DPP10: variants seen among roughly 807,000 people sequenced by gnomAD.
DPP10 encodes dipeptidyl peptidase like 10.
DPP10 carries 33 observed loss-of-function variants against 120.9 expected under a neutral mutation model. That is an observed-to-expected ratio of 0.27 (90% CI 0.21 to 0.37). The LOEUF (loss-of-function observed/expected upper bound fraction) is 0.37. Among genes scored for constraint, DPP10 ranks in the 10% least tolerant of loss-of-function variants. The pLI is 1.00. For synonymous variants in DPP10, 337 were observed against 326.1 expected (o/e 1.03, Z -0.36); for missense variants, 816 against 942.8 (o/e 0.87, Z 1.76).
At chr2:115,444,422 A>G (rs777400261) in intron 3 of DPP10, among the ~76,000 whole-genome samples, 12 of 152,216 alleles carry the variant, frequency 7.9e-5, no homozygotes, top group Non-Finnish European at 1.6e-4. Context: ...GCATAATTTT[A>G]ATAGTAAATC....
intron 1 of DPP10, among the ~76,000 whole-genome samples, chr2:114,678,546 T>C (rs1698816730): frequency 6.6e-6 from 1 of 152,092 alleles, no homozygotes. Flanking sequence ...TCCCTCTCTC[T>C]GCCTTTATTT....
At chr2:115,281,906 T>C (rs2060171944) in intron 1 of DPP10, among the ~76,000 whole-genome samples, 1 of 152,134 alleles carries the variant, frequency 6.6e-6, no homozygotes, top group African/African-American at 2.4e-5. Flanking sequence ...TTTAAAATAG[T>C]GACCCAAGAA....
intron 1 of DPP10, among the ~76,000 whole-genome samples, chr2:114,804,644 C>G (rs1181416252): frequency 6.6e-6 from 1 of 152,176 alleles, no homozygotes; most frequent in Admixed American, 6.5e-5. Flanking sequence ...TGCACGGGCC[C>G]TGTAACCCCT....
intron 1 of DPP10, among the ~76,000 whole-genome samples, chr2:115,038,429 C>A (rs1704387644): frequency 6.6e-6 from 1 of 151,900 alleles, no homozygotes. Flanking sequence ...CGCCACCACG[C>A]CCGGCTAATG....
chr2:115,471,310 G>A (rs1440139910), intron 3 of DPP10, among the ~76,000 whole-genome samples: 2 of 152,156 alleles, frequency 1.3e-5, no homozygotes, highest in African/African-American at 2.4e-5. Flanking sequence ...CTTTGTATCA[G>A]TGTTTCAGTA....
At chr2:115,506,212 A>G (rs1338122438) in intron 4 of DPP10, among the ~76,000 whole-genome samples, 2 of 152,202 alleles carry the variant, frequency 1.3e-5, no homozygotes, top group East Asian at 3.9e-4. Context: ...TTCACATTAC[A>G]TAATACAGAT....
chr2:114,869,369 G>C (rs1176166759), intron 1 of DPP10, among the ~76,000 whole-genome samples: 1 of 152,110 alleles, frequency 6.6e-6, no homozygotes, highest in Non-Finnish European at 1.5e-5. Flanking sequence ...TGAGTCTGGT[G>C]AGACAAAACA....
At chr2:114,907,847 T>C (rs1694087699) in intron 1 of DPP10, among the ~76,000 whole-genome samples, 1 of 152,088 alleles carries the variant, frequency 6.6e-6, no homozygotes, top group Non-Finnish European at 1.5e-5. Flanking sequence ...TTTCAAATTC[T>C]TATATTTCCT....
intron 1 of DPP10, among the ~76,000 whole-genome samples, chr2:115,258,462 T>C (rs967849409): frequency 6.7e-6 from 1 of 149,670 alleles, no homozygotes; most frequent in Non-Finnish European, 1.5e-5. Flanking sequence ...GCTTACACAC[T>C]GTAGTATCCA....
chr2:115,310,642 A>T (rs981828090), intron 2 of DPP10, among the ~76,000 whole-genome samples: 2 of 152,170 alleles, frequency 1.3e-5, no homozygotes, highest in Admixed American at 6.5e-5. Flanking sequence ...ACCTTTTCTT[A>T]ACTGCCTCAT....
chr2:114,606,872 G>C (rs1397191295), intron 1 of DPP10, among the ~76,000 whole-genome samples: 1 of 152,166 alleles, frequency 6.6e-6, no homozygotes, highest in African/African-American at 2.4e-5. Context: ...GTGTGGTTAA[G>C]CATATTGTTG....
At chr2:115,423,105 CAT>C (rs1200971861) in intron 3 of DPP10, among the ~76,000 whole-genome samples, 3 of 151,704 alleles carry the variant, frequency 2.0e-5, no homozygotes, top group South Asian at 2.1e-4. Flanking sequence ...TTTAATATAA[CAT>C]ATTTAATATA....
chr2:115,039,375 T>C (rs1438391134), intron 1 of DPP10, among the ~76,000 whole-genome samples: 6 of 152,216 alleles, frequency 3.9e-5, no homozygotes, highest in Admixed American at 6.5e-5. Context: ...AGTGAAATCT[T>C]TTAAATAACA....
chr2:114,698,918 G>C (rs1298031121), intron 1 of DPP10, among the ~76,000 whole-genome samples: 1 of 152,088 alleles, frequency 6.6e-6, no homozygotes, highest in Non-Finnish European at 1.5e-5. Flanking sequence ...GATTCCATTG[G>C]TCAGTAACAG....
At chr2:115,605,126 C>T (rs7586669) in intron 5 of DPP10, among the ~76,000 whole-genome samples, 150,421 of 152,222 alleles carry the variant, frequency 0.99, 74,349 homozygotes, top group East Asian at 1. Context: ...CATGGAATAC[C>T]TTTACAAAAT....
At chr2:115,172,023 C>A (rs2053383545) in intron 1 of DPP10, among the ~76,000 whole-genome samples, 1 of 152,196 alleles carries the variant, frequency 6.6e-6, no homozygotes. Flanking sequence ...TCCCCTCTTA[C>A]ACTCAGCATG....
At position 115,503,126 on chromosome 2, in the gene DPP10, C is replaced by A. The variant is rs576224667; in HGVS notation, c.366+3522C>A. On this transcript the variant is annotated intron_variant, in intron 4 of 25. Coordinates refer to ENST00000410059, the MANE Select transcript of DPP10 (RefSeq NM_020868.6). Reference sequence around the variant, plus strand: ...CATTCTACTAAAAAAGTAGCCATAACACAGGAAGGAAATTCATATATGGCA... The same window carrying A: ...CATTCTACTAAAAAAGTAGCCATAAAACAGGAAGGAAATTCATATATGGCA... Among the ~76,000 whole-genome samples the A allele has an allele frequency of 2.0e-5, 3 of 152,148 alleles. No individual in the cohort carries two copies. The South Asian group carries it at 6.2e-4, about 32-fold the overall frequency.
At chr2:114,606,286 C>T (rs1033250956) in intron 1 of DPP10, among the ~76,000 whole-genome samples, 3 of 152,058 alleles carry the variant, frequency 2.0e-5, no homozygotes, top group Non-Finnish European at 4.4e-5. Flanking sequence ...TGGGCTTGAT[C>T]ACTAGGACTC....
chr2:114,559,046 A>G (rs1688546835), intron 1 of DPP10, among the ~76,000 whole-genome samples: 1 of 152,216 alleles, frequency 6.6e-6, no homozygotes, highest in African/African-American at 2.4e-5. Flanking sequence ...GTACAAGTAC[A>G]TTCAAGTACA....
Sources: allele counts gnomAD v4.1 joint callset (sites outside exome capture counted in the v4.1 genomes callset), GRCh38; gene constraint gnomAD v4.1.1; transcripts MANE v1.5; gene names NCBI Gene and HGNC (gene_info 2026-07-23, HGNC 2026-07-21).